The following PBX3 variants were observed in gnomAD, a reference collection of about 807,000 sequenced individuals.
PBX3 encodes the protein pre-B-cell leukemia transcription factor 3.
PBX3 carries 14 observed loss-of-function variants against 48.5 expected under a neutral mutation model. The observed-to-expected ratio is 0.29, with a 90% confidence interval of 0.19 to 0.45. PBX3 has a LOEUF of 0.45. Among genes scored for constraint, PBX3 ranks in the 20% least tolerant of loss-of-function variants. The probability of loss-of-function intolerance (pLI) is 1.00; values close to 1 mark genes in which losing one functional copy is unlikely to be tolerated. For missense variants in PBX3, 386 were observed against 546.7 expected (o/e 0.71, Z 2.93); for synonymous variants, 210 against 200.3 (o/e 1.05, Z -0.41).
intron 2 of PBX3, among the ~76,000 whole-genome samples, chr9:125,855,209 A>T (rs1178779390): frequency 6.6e-6 from 1 of 152,202 alleles, no homozygotes; most frequent in South Asian, 2.1e-4. Context: ...AATGGAATCA[A>T]CTTCAGTTTC....
At chr9:125,889,821 T>C (rs866466898) in intron 2 of PBX3, among the ~76,000 whole-genome samples, 68 of 148,202 alleles carry the variant, frequency 4.6e-4, no homozygotes, top group African/African-American at 1.6e-3. Context: ...CGGATCGCCG[T>C]CCGCCGCTCC....
intron 2 of PBX3, among the ~76,000 whole-genome samples, chr9:125,786,498 A>C (rs1837460925): frequency 6.6e-6 from 1 of 152,162 alleles, no homozygotes; most frequent in Non-Finnish European, 1.5e-5. Context: ...AAGGTGAAAG[A>C]CTTCTTTTTA....
intron 2 of PBX3, among the ~76,000 whole-genome samples, chr9:125,862,117 C>T (rs886559974): frequency 7.9e-5 from 12 of 152,254 alleles, no homozygotes; most frequent in African/African-American, 2.9e-4. Context: ...TTAACAGTTG[C>T]TGCCAGCCAG....
intron 2 of PBX3, among the ~76,000 whole-genome samples, chr9:125,883,517 G>A (rs553476015): frequency 6.6e-6 from 1 of 152,052 alleles, no homozygotes; most frequent in African/African-American, 2.4e-5. Flanking sequence ...CTAAATATGT[G>A]CTATGACTTT....
intron 2 of PBX3, among the ~76,000 whole-genome samples, chr9:125,813,762 G>T (rs968840884): frequency 5.9e-5 from 9 of 151,920 alleles, no homozygotes; most frequent in African/African-American, 2.2e-4. Context: ...CCTTTTAGTG[G>T]ATAATGACAT....
At chr9:125,818,073 C>G (rs1838520586) in intron 2 of PBX3, among the ~76,000 whole-genome samples, 1 of 151,980 alleles carries the variant, frequency 6.6e-6, no homozygotes, top group African/African-American at 2.4e-5. Context: ...GTGGCTCACA[C>G]CTGTAGTCCT....
intron 2 of PBX3, among the ~76,000 whole-genome samples, chr9:125,883,317 G>T (rs995174845): frequency 1.3e-5 from 2 of 152,172 alleles, no homozygotes; most frequent in Admixed American, 6.5e-5. Context: ...GCTTGGCAAA[G>T]AAATGATGTC....
At chr9:125,800,260 A>G (rs939827625) in intron 2 of PBX3, among the ~76,000 whole-genome samples, 1 of 152,232 alleles carries the variant, frequency 6.6e-6, no homozygotes, top group Non-Finnish European at 1.5e-5. Flanking sequence ...GTATATATCA[A>G]TAATGAGCAA....
intron 2 of PBX3, among the ~76,000 whole-genome samples, chr9:125,806,659 G>C (rs545367403): frequency 1.6e-4 from 24 of 152,308 alleles, no homozygotes; most frequent in African/African-American, 5.5e-4. Context: ...ATGAATTCTG[G>C]AGAGGGCACA....
At chr9:125,931,424 T>G (rs1299216089) in intron 4 of PBX3, among the ~76,000 whole-genome samples, 1 of 152,080 alleles carries the variant, frequency 6.6e-6, no homozygotes, top group Admixed American at 6.5e-5. Context: ...TGCTTCTGCC[T>G]CCCGAGTAGC....
At chr9:125,904,067 T>C (rs1291066545) in intron 2 of PBX3, among the ~76,000 whole-genome samples, 1 of 151,932 alleles carries the variant, frequency 6.6e-6, no homozygotes, top group East Asian at 1.9e-4. Flanking sequence ...TGAGGTCTTA[T>C]TATTAACCTG....
At chr9:125,823,375 C>G (rs2132165897) in intron 2 of PBX3, among the ~76,000 whole-genome samples, 1 of 152,168 alleles carries the variant, frequency 6.6e-6, no homozygotes, top group East Asian at 1.9e-4. Flanking sequence ...TTTTTATGTA[C>G]CAGTGTGTGT....
chr9:125,795,722 A>G (rs1440078158), intron 2 of PBX3, among the ~76,000 whole-genome samples: 1 of 152,192 alleles, frequency 6.6e-6, no homozygotes, highest in Non-Finnish European at 1.5e-5. Context: ...ACACCAATAC[A>G]ATTTCTATTT....
At chr9:125,900,094 C>T (rs1292443144) in intron 2 of PBX3, among the ~76,000 whole-genome samples, 1 of 151,560 alleles carries the variant, frequency 6.6e-6, no homozygotes, top group Non-Finnish European at 1.5e-5. Flanking sequence ...TAGTAATATC[C>T]ACCCTAATTT....
chr9:125,892,082 G>T (rs1588266951), intron 2 of PBX3, among the ~76,000 whole-genome samples: 1 of 152,106 alleles, frequency 6.6e-6, no homozygotes, highest in East Asian at 1.9e-4. Context: ...ACCATGCCCG[G>T]CTAATTTTTG....
At chr9:125,908,395 A>G (rs1841125597) in intron 2 of PBX3, among the ~76,000 whole-genome samples, 1 of 152,094 alleles carries the variant, frequency 6.6e-6, no homozygotes, top group Admixed American at 6.6e-5. Context: ...CTCATTCTTC[A>G]GGGAGAAAAG....
chr9:125,935,726 G>A (rs1841821797), intron 5 of PBX3, 119 bp downstream of exon 5: 3 of 1,005,380 alleles, frequency 3.0e-6, no homozygotes, highest in African/African-American at 1.6e-5. Context: ...AAGATATAAG[G>A]AAAATGTAGA....
At chr9:125,829,669 CTTAAA>C (rs1838903639) in intron 2 of PBX3, among the ~76,000 whole-genome samples, 1 of 151,872 alleles carries the variant, frequency 6.6e-6, no homozygotes, top group South Asian at 2.1e-4. Flanking sequence ...CAGCTCTTTC[CTTAAA>C]TTAAAAAAAA....
At chr9:125,791,394 A>G (rs1036610670) in intron 2 of PBX3, among the ~76,000 whole-genome samples, 2 of 151,696 alleles carry the variant, frequency 1.3e-5, no homozygotes, top group Admixed American at 6.6e-5. Context: ...TAGGATTTGT[A>G]TCCCCACTTG....
Sources: allele counts gnomAD v4.1 joint callset (sites outside exome capture counted in the v4.1 genomes callset), GRCh38; gene constraint gnomAD v4.1.1; transcripts MANE v1.5; gene names NCBI Gene and HGNC (gene_info 2026-07-23, HGNC 2026-07-21).